CCBE1: variants seen among roughly 807,000 people sequenced by gnomAD.
The protein encoded by CCBE1 is collagen and calcium binding EGF domains 1.
In CCBE1, 37 loss-of-function variants were observed where a neutral mutation model predicts 50.0. The observed-to-expected ratio is 0.74, with a 90% CI of 0.57 to 0.97. CCBE1 has a LOEUF of 0.97. Ranked by LOEUF, CCBE1 falls within the 50% of genes least tolerant of loss-of-function variation. The pLI is 0.00. For synonymous variants in CCBE1, 234 were observed against 203.7 expected, an observed-to-expected ratio of 1.15 and a Z score of -1.27; for missense variants, 538 against 523.8, an observed-to-expected ratio of 1.03 and a Z score of -0.26.
intron 2 of CCBE1, among the ~76,000 whole-genome samples, chr18:59,661,005 T>TG (rs200562409): frequency 1.6e-4 from 25 of 152,006 alleles, no homozygotes; most frequent in African/African-American, 4.3e-4. Context: ...GGAGGTGTTT[T>TG]TTTTTGTTTT....
At chr18:59,599,007 C>A (rs188573816) in intron 2 of CCBE1, among the ~76,000 whole-genome samples, 1 of 152,086 alleles carries the variant, frequency 6.6e-6, no homozygotes, top group African/African-American at 2.4e-5. Context: ...CAGCCATGGC[C>A]GATATCAGAC....
chr18:59,526,143 G>A (rs1436735340), intron 2 of CCBE1, among the ~76,000 whole-genome samples: 2 of 152,050 alleles, frequency 1.3e-5, no homozygotes, highest in African/African-American at 4.8e-5. Flanking sequence ...AGCTTGATGG[G>A]AATAGCATTG....
At chr18:59,489,437 G>A (rs900368437) in intron 2 of CCBE1, among the ~76,000 whole-genome samples, 15 of 151,268 alleles carry the variant, frequency 9.9e-5, no homozygotes, top group African/African-American at 3.6e-4. Context: ...TTTTTGAGAT[G>A]GACTCTCGCT....
intron 2 of CCBE1, among the ~76,000 whole-genome samples, chr18:59,597,228 A>G (rs920810716): frequency 2.0e-5 from 3 of 152,192 alleles, no homozygotes; most frequent in African/African-American, 7.2e-5. Context: ...AAAATAATGA[A>G]GTACCTGTCT....
chr18:59,528,963 G>A (rs956276445), intron 2 of CCBE1, among the ~76,000 whole-genome samples: 2 of 152,180 alleles, frequency 1.3e-5, no homozygotes, highest in Admixed American at 1.3e-4. Context: ...TCAGGGACCT[G>A]CTTAACGAAG....
intron 2 of CCBE1, among the ~76,000 whole-genome samples, chr18:59,492,316 C>A (rs988996148): frequency 6.6e-6 from 1 of 152,140 alleles, no homozygotes; most frequent in Admixed American, 6.5e-5. Flanking sequence ...GTGACAGAGC[C>A]GTTTTCCCAT....
At chr18:59,494,148 T>C (rs116629770) in intron 2 of CCBE1, among the ~76,000 whole-genome samples, 1,866 of 152,292 alleles carry the variant, frequency 0.012, 42 homozygotes, top group African/African-American at 0.042. Flanking sequence ...AGAAGTGTAA[T>C]GTGTCCTCTC....
At chr18:59,684,778 T>C (rs529234526) in intron 2 of CCBE1, among the ~76,000 whole-genome samples, 14 of 152,340 alleles carry the variant, frequency 9.2e-5, no homozygotes, top group African/African-American at 3.4e-4. Flanking sequence ...TAAGGTCATG[T>C]AGTAAATACA....
chr18:59,457,817 T>A (rs1911267603), intron 5 of CCBE1, among the ~76,000 whole-genome samples: 1 of 152,214 alleles, frequency 6.6e-6, no homozygotes, highest in African/African-American at 2.4e-5. Context: ...CAATTTATAA[T>A]CCTATGGAGC....
At chr18:59,605,034 G>T (rs1227538822) in intron 2 of CCBE1, among the ~76,000 whole-genome samples, 1 of 152,168 alleles carries the variant, frequency 6.6e-6, no homozygotes, top group Non-Finnish European at 1.5e-5. Context: ...GAAGATTAAA[G>T]CAATGCCCTC....
At chr18:59,559,945 G>A (rs975922840) in intron 2 of CCBE1, among the ~76,000 whole-genome samples, 2 of 152,162 alleles carry the variant, frequency 1.3e-5, no homozygotes, top group African/African-American at 2.4e-5. Context: ...AGCCAGGAAC[G>A]GTTTGCCTTC....
At position 59,435,788 on chromosome 18, in the gene CCBE1, G is replaced by A. The variant is rs1026640179; in HGVS notation, c.*120C>T. On this transcript the variant is annotated 3_prime_UTR_variant, in exon 11 of 11. Transcript: ENST00000439986. ...AAGAAGAGGAGTGGAGAGACGTCAGGAGAAGAGAAGAGAAAAATGTATGTT... is the reference window on the plus strand; with the variant it reads ...AAGAAGAGGAGTGGAGAGACGTCAGAAGAAGAGAAGAGAAAAATGTATGTT... The A allele has an allele frequency of 1.1e-6, 1 of 903,104 alleles. No individual in the cohort carries two copies. The highest frequency in any genetic ancestry group is 1.9e-6 in the Non-Finnish European group (1 of 535,926). 55.9% of individuals were successfully genotyped at this position (903,104 alleles called of 1,614,324 possible).
intron 7 of CCBE1, among the ~76,000 whole-genome samples, chr18:59,442,959 G>A (rs926140064): frequency 9.2e-5 from 14 of 151,870 alleles, no homozygotes; most frequent in Admixed American, 9.2e-4. Flanking sequence ...GTATCTATGT[G>A]ACCTGCCCAT....
intron 3 of CCBE1, among the ~76,000 whole-genome samples, chr18:59,474,192 G>A (rs188463298): frequency 6.6e-6 from 1 of 152,300 alleles, no homozygotes; most frequent in Admixed American, 6.5e-5. Context: ...GCACGGTGAT[G>A]AACATAGAAA....
intron 2 of CCBE1, among the ~76,000 whole-genome samples, chr18:59,673,890 G>A (rs999934493): frequency 1.3e-4 from 20 of 152,286 alleles, no homozygotes; most frequent in African/African-American, 4.3e-4. Context: ...CAGGGATACT[G>A]GCCTTAAATT....
rs1912569260 is a variant in CCBE1 at position 59,481,504 on chromosome 18, A to G, written c.213-1266T>C. Reference sequence around the variant, plus strand: ...AAGCCCCAAACGCCTAACTACACACATACACAAAATGCCTAGAGATGTCAT... The same window carrying G: ...AAGCCCCAAACGCCTAACTACACACGTACACAAAATGCCTAGAGATGTCAT... On this transcript the variant is annotated intron_variant, in intron 2 of 10. Coordinates refer to ENST00000439986, the MANE Select transcript of CCBE1 (RefSeq NM_133459.4). Among the ~76,000 whole-genome samples, 4 of 152,228 alleles carry G rather than the reference A, an allele frequency of 2.6e-5. No homozygotes were observed. In the South Asian group the frequency reaches 8.3e-4, roughly 31 times the overall value.
chr18:59,632,207 C>T (rs754540300), intron 2 of CCBE1, among the ~76,000 whole-genome samples: 1 of 152,150 alleles, frequency 6.6e-6, no homozygotes, highest in Admixed American at 6.6e-5. Context: ...GGCACAATGG[C>T]CTCAGGATCA....
At chr18:59,666,759 G>T (rs545118374) in intron 2 of CCBE1, among the ~76,000 whole-genome samples, 30 of 152,234 alleles carry the variant, frequency 2.0e-4, no homozygotes, top group Admixed American at 1.4e-3. Flanking sequence ...GAGGTCAGGG[G>T]ATCAAGACCA....
In CCBE1 at chr18:59,436,058, G is replaced by C; in HGVS notation, c.1071C>G (p.Phe357Leu). Residue 357 changes from phenylalanine to leucine, a missense_variant, in exon 11 of 11, where the codon TTC becomes TTG. Coordinates refer to ENST00000439986, the MANE Select transcript of CCBE1 (RefSeq NM_133459.4). ...CTGCTGAAGAGTGAGTCCGGTGCCC[G>C]AACACCTTTTCCTGCAGCTCAGTGA... Reference protein sequence around the residue: ...NDITELQEKVFGHRTHSSAEE... With the variant: ...NDITELQEKVLGHRTHSSAEE... The C allele has an allele frequency of 2.5e-6, 4 of 1,614,140 alleles. No individual in the cohort carries two copies. The highest frequency in any genetic ancestry group is 2.5e-6 in the Non-Finnish European group (3 of 1,180,026).
Sources: allele counts gnomAD v4.1 joint callset (sites outside exome capture counted in the v4.1 genomes callset), GRCh38; gene constraint gnomAD v4.1.1; transcripts MANE v1.5; gene names NCBI Gene and HGNC (gene_info 2026-07-23, HGNC 2026-07-21).